The following MAGI1 variants were observed in gnomAD, a reference collection of about 807,000 sequenced individuals.
MAGI1 encodes the protein membrane-associated guanylate kinase, WW and PDZ domain-containing protein 1.
MAGI1 carries 58 observed loss-of-function variants against 139.9 expected under a neutral mutation model. The observed-to-expected ratio is 0.41, with a 90% CI of 0.34 to 0.52. MAGI1 has a LOEUF of 0.52. Among genes scored for constraint, MAGI1 ranks in the 20% least tolerant of loss-of-function variants. The pLI, the probability that MAGI1 is intolerant of heterozygous loss-of-function variation, is 0.12. For missense variants in MAGI1, 1,874 were observed against 1,901.6 expected (o/e 0.99, Z 0.27); for synonymous variants, 812 against 737.9 (o/e 1.10, Z -1.63).
intron 14 of MAGI1, among the ~76,000 whole-genome samples, chr3:65,386,247 GA>G (rs4016249): frequency 0.044 from 6,464 of 145,610 alleles, 601 homozygotes; most frequent in East Asian, 0.3. Context: ...AGGCCACATG[GA>G]AAAAAAAAAA....
intron 1 of MAGI1, among the ~76,000 whole-genome samples, chr3:65,751,590 T>C (rs773715661): frequency 9.9e-5 from 15 of 152,170 alleles, no homozygotes; most frequent in Non-Finnish European, 1.5e-4. Context: ...TGTCATTTAA[T>C]AGAGGCCTTA....
chr3:65,982,335 C>G lies in MAGI1; in HGVS notation c.313+55661G>C, dbSNP rs145997391. On this transcript the variant is annotated intron_variant, in intron 1 of 22. Coordinates refer to ENST00000402939, the MANE Select transcript of MAGI1 (RefSeq NM_001033057.2). ...CATTTGGGCATGCCACATGCCCCTT[C>G]TTTGGTGCAAGGTCTATCATCTGCA... Among the ~76,000 whole-genome samples the G allele has an allele frequency of 4.6e-4, 70 of 152,280 alleles. No individual in the cohort carries two copies. The East Asian group carries it at 0.013, about 28-fold the overall frequency.
chr3:65,816,059 G>A (rs1043664744), intron 1 of MAGI1, among the ~76,000 whole-genome samples: 13 of 152,114 alleles, frequency 8.5e-5, no homozygotes, highest in Admixed American at 6.6e-4. Context: ...CAGCTGATTG[G>A]AATCACTGAG....
rs867126875 is a variant in MAGI1 at position 65,859,601 on chromosome 3, G to A, written c.313+178395C>T. On this transcript the variant is annotated intron_variant, in intron 1 of 22. Coordinates refer to ENST00000402939, the MANE Select transcript of MAGI1 (RefSeq NM_001033057.2). ...AAAAATACAAAAATTAGCCAGGTGA[G>A]GTGGCACTACTCAGGAGGCTGAGGC... 4.0e-5 allele frequency among the ~76,000 whole-genome samples: 6 copies of A among 151,788 alleles called. No homozygotes were observed. In the South Asian group the frequency reaches 1.2e-3, roughly 32 times the overall value.
intron 1 of MAGI1, among the ~76,000 whole-genome samples, chr3:65,952,585 C>T (rs558068247): frequency 4.6e-5 from 7 of 152,216 alleles, no homozygotes; most frequent in Admixed American, 3.3e-4. Flanking sequence ...GAGGCCGAGG[C>T]GGGTGGATCA....
At chr3:65,936,139 T>A (rs1307556386) in intron 1 of MAGI1, among the ~76,000 whole-genome samples, 1 of 151,940 alleles carries the variant, frequency 6.6e-6, no homozygotes, top group Non-Finnish European at 1.5e-5. Flanking sequence ...CTAAAATCAA[T>A]GGAAAGCCAT....
chr3:65,787,701 T>C (rs977823464), intron 1 of MAGI1, among the ~76,000 whole-genome samples: 3 of 152,046 alleles, frequency 2.0e-5, no homozygotes, highest in East Asian at 3.9e-4. Flanking sequence ...CATGGTGTTA[T>C]GGGAACACAG....
At chr3:65,901,288 T>A (rs955021967) in intron 1 of MAGI1, among the ~76,000 whole-genome samples, 1 of 152,210 alleles carries the variant, frequency 6.6e-6, no homozygotes, top group African/African-American at 2.4e-5. Context: ...GAATCCACCA[T>A]GCAGGCCCAG....
At chr3:65,813,639 T>C (rs1239808277) in intron 1 of MAGI1, among the ~76,000 whole-genome samples, 2 of 152,214 alleles carry the variant, frequency 1.3e-5, no homozygotes, top group African/African-American at 2.4e-5. Context: ...CTTTAACATA[T>C]GTATCATCTT....
At chr3:65,572,223 G>GA (rs1372413859) in intron 2 of MAGI1, among the ~76,000 whole-genome samples, 1 of 151,952 alleles carries the variant, frequency 6.6e-6, no homozygotes, top group African/African-American at 2.4e-5. Context: ...CTATAGAAAG[G>GA]AACTATAATT....
intron 3 of MAGI1, among the ~76,000 whole-genome samples, chr3:65,485,414 G>A (rs1951563222): frequency 6.6e-6 from 1 of 152,144 alleles, no homozygotes; most frequent in South Asian, 2.1e-4. Context: ...ACGACCCTGA[G>A]TGAGGTAAGG....
intron 1 of MAGI1, among the ~76,000 whole-genome samples, chr3:65,895,476 T>C (rs2060930536): frequency 2.6e-5 from 4 of 152,200 alleles, no homozygotes; most frequent in Non-Finnish European, 5.9e-5. Flanking sequence ...TCAAAAGTAC[T>C]ACAATTCATT....
chr3:65,988,792 A>C, intron 1 of MAGI1, among the ~76,000 whole-genome samples: 1 of 152,204 alleles, frequency 6.6e-6, no homozygotes, highest in South Asian at 2.1e-4. Context: ...ACCTAATATG[A>C]AATATTTTGT....
At chr3:65,729,160 AAGCCATCT>A (rs1187851413) in intron 1 of MAGI1, among the ~76,000 whole-genome samples, 2 of 149,858 alleles carry the variant, frequency 1.3e-5, no homozygotes, top group Non-Finnish European at 3.0e-5. Flanking sequence ...TGAAGAAAAC[AAGCCATCT>A]ACAAGTATAT....
At chr3:65,415,732 G>C (rs1006957229) in intron 12 of MAGI1, among the ~76,000 whole-genome samples, 1 of 152,186 alleles carries the variant, frequency 6.6e-6, no homozygotes, top group Admixed American at 6.5e-5. Context: ...GTGTTGAAGG[G>C]GTTAAAGCAG....
At chr3:65,608,856 G>T (rs2082887415) in intron 2 of MAGI1, among the ~76,000 whole-genome samples, 1 of 152,130 alleles carries the variant, frequency 6.6e-6, no homozygotes, top group Non-Finnish European at 1.5e-5. Flanking sequence ...ATCAACAGAA[G>T]AATGGGTAAG....
chr3:65,398,541 TGA>T (rs1944592650), intron 13 of MAGI1, among the ~76,000 whole-genome samples: 3 of 152,132 alleles, frequency 2.0e-5, no homozygotes, highest in South Asian at 4.1e-4. Context: ...AGTTGGGAAA[TGA>T]ATTCATACGA....
At chr3:65,696,111 A>G (rs1006449420) in intron 1 of MAGI1, among the ~76,000 whole-genome samples, 2 of 152,104 alleles carry the variant, frequency 1.3e-5, no homozygotes, top group African/African-American at 4.8e-5. Flanking sequence ...TTACTATTCT[A>G]CAAATACAGT....
chr3:65,748,443 G>A (rs1170581812), intron 1 of MAGI1, among the ~76,000 whole-genome samples: 1 of 152,258 alleles, frequency 6.6e-6, no homozygotes, highest in Non-Finnish European at 1.5e-5. Flanking sequence ...TCTGCTCTAA[G>A]TTAAGATTTT....
Sources: allele counts gnomAD v4.1 joint callset (sites outside exome capture counted in the v4.1 genomes callset), GRCh38; gene constraint gnomAD v4.1.1; transcripts MANE v1.5; gene names NCBI Gene and HGNC (gene_info 2026-07-23, HGNC 2026-07-21).